Variants in ADGB observed in about 807,000 individuals in gnomAD.
ADGB encodes androglobin, also known as calpain-7-like protein.
In ADGB, 172 loss-of-function variants were observed where a neutral mutation model predicts 210.5. The ratio of observed to expected loss-of-function variants is 0.82; its 90% CI spans 0.72 to 0.93. The LOEUF is 0.93. ADGB is among the 40% of genes least tolerant of loss of function. The pLI is 0.00. For synonymous variants in ADGB, 658 were observed against 662.7 expected, an observed-to-expected ratio of 0.99 and a Z score of 0.11; for missense variants, 2,025 against 1,964.8, an observed-to-expected ratio of 1.03 and a Z score of -0.58.
At chr6:146,676,991 T>C (rs1776094892) in intron 9 of ADGB, among the ~76,000 whole-genome samples, 1 of 152,332 alleles carries the variant, frequency 6.6e-6, no homozygotes, top group African/African-American at 2.4e-5. Context: ...CCTCATTGTA[T>C]AAAGGTCAAC....
intron 3 of ADGB, among the ~76,000 whole-genome samples, chr6:146,651,408 G>A (rs547712671): frequency 1.1e-4 from 16 of 152,296 alleles, no homozygotes; most frequent in Admixed American, 4.6e-4. Context: ...AACAAGATGT[G>A]GTGAAAGGAA....
chr6:146,800,293 A>G (rs1005372332), intron 33 of ADGB, among the ~76,000 whole-genome samples: 3 of 152,202 alleles, frequency 2.0e-5, no homozygotes, highest in Non-Finnish European at 4.4e-5. Flanking sequence ...TCCTACTTAC[A>G]TAAAATGTCC....
rs543961961 is a variant in ADGB, at chr6:146,767,958, A to T, written c.3751-1062A>T. On this transcript the variant is annotated intron_variant, in intron 28 of 35. Transcript: ENST00000397944. ...TCTACACCGGCACTATGCATTAGAC[A>T]TCAGAATATGATGCCTTTAATAATA... Among the ~76,000 whole-genome samples the T allele has an allele frequency of 2.6e-4, 40 of 151,344 alleles. No individual in the cohort carries two copies. The Middle Eastern group carries it at 0.01, about 39-fold the overall frequency.
intron 29 of ADGB, among the ~76,000 whole-genome samples, chr6:146,770,777 G>A (rs933414190): frequency 1.3e-5 from 2 of 152,140 alleles, no homozygotes; most frequent in African/African-American, 4.8e-5. Context: ...TTTGCTGTTC[G>A]TGTGTGGTAT....
In ADGB at chr6:146,717,014, A is replaced by T; in HGVS notation, c.1873A>T (p.Asn625Tyr). ...KSQEELPTTN[N>Y]SVSKEIWLDF... ...ACAGGAAGAACTTCCAACAACAAAT[A>T]ATAGTGTTTCTAAAGAAATATGGTT... Residue 625 changes from asparagine (N) to tyrosine (Y), a missense_variant, in exon 15 of 36, where the codon AAT (asparagine) becomes TAT (tyrosine). Coordinates refer to ENST00000397944, the MANE Select transcript of ADGB (RefSeq NM_024694.4). The T allele has an allele frequency of 6.4e-7, 1 of 1,551,600 alleles. No individual in the cohort carries two copies. The highest frequency in any genetic ancestry group is 8.7e-7 in the Non-Finnish European group (1 of 1,146,916).
intron 1 of ADGB, among the ~76,000 whole-genome samples, chr6:146,633,448 T>C (rs1449715947): frequency 2.0e-5 from 3 of 151,992 alleles, no homozygotes; most frequent in Non-Finnish European, 2.9e-5. Context: ...CCCCCTGCCT[T>C]AGATCACCTT....
intron 30 of ADGB, among the ~76,000 whole-genome samples, chr6:146,782,485 A>G (rs1251014253): frequency 6.6e-6 from 1 of 152,192 alleles, no homozygotes; most frequent in Non-Finnish European, 1.5e-5. Context: ...CAGTCTAATA[A>G]TGGAGGAGAC....
chr6:146,669,620 G>C (rs956465354), intron 7 of ADGB, among the ~76,000 whole-genome samples: 4 of 151,970 alleles, frequency 2.6e-5, no homozygotes, highest in African/African-American at 9.7e-5. Context: ...ACACTCTCTG[G>C]GTTTTTCTCC....
chr6:146,725,237 T>G (rs1776876245), intron 18 of ADGB: 1 of 152,250 alleles, frequency 6.6e-6, no homozygotes, highest in South Asian at 2.1e-4. Context: ...ATATCCGCTT[T>G]TCCCCCCACA....
At chr6:146,610,598 T>C (rs1323585910) in intron 1 of ADGB, among the ~76,000 whole-genome samples, 1 of 152,146 alleles carries the variant, frequency 6.6e-6, no homozygotes, top group African/African-American at 2.4e-5. Context: ...TTCTGGATGA[T>C]TTCAGGGGGA....
Position 146,661,388 on chromosome 6 carries a change from T to A in ADGB, c.613-2813T>A, listed in dbSNP as rs887221414. ...GTATGCCATCATCACGCCTGACTAA[T>A]TTTATTTTTTGTAGAGACAGGGTCT... On this transcript the variant is annotated intron_variant, in intron 5 of 35. Coordinates refer to ENST00000397944, the MANE Select transcript of ADGB (RefSeq NM_024694.4). Among the ~76,000 whole-genome samples, 3 of 151,792 alleles carry A rather than the reference T, an allele frequency of 2.0e-5. No homozygotes were observed. The East Asian group carries it at 5.8e-4, about 29-fold the overall frequency.
chr6:146,803,082 T>C, intron 35 of ADGB: 1 of 1,543,146 alleles, frequency 6.5e-7, no homozygotes, highest in Non-Finnish European at 9.0e-7. Flanking sequence ...TGAGATATAT[T>C]GTTTTTCTTC....
rs200647664 is a variant in ADGB at position 146,714,323 on chromosome 6, T to C, written c.1708-1059T>C. Among the ~76,000 whole-genome samples, 77 of 152,188 alleles carry C rather than the reference T, an allele frequency of 5.1e-4. No homozygotes were observed. The East Asian group carries it at 7.0e-3, about 14-fold the overall frequency. ...CTCCCAATGTGCATCTTGTTTTTTT[T>C]TTTTTCCCCTGACTCTGGTGAGTTT... is the stretch of plus-strand genomic sequence containing the variant. On this transcript the variant is annotated intron_variant, in intron 13 of 35. Transcript: ENST00000397944.
intron 35 of ADGB, among the ~76,000 whole-genome samples, chr6:146,812,502 A>G (rs1443270559): frequency 6.7e-6 from 1 of 149,406 alleles, no homozygotes; most frequent in Non-Finnish European, 1.5e-5. Flanking sequence ...GCAAATGGTT[A>G]CACATTTCTG....
chr6:146,750,983 T>C (rs771866261), intron 26 of ADGB, among the ~76,000 whole-genome samples: 5 of 152,132 alleles, frequency 3.3e-5, no homozygotes, highest in African/African-American at 4.8e-5. Context: ...TATTTATTTT[T>C]ATTAAGTTCT....
chr6:146,770,462 G>C (rs1777633728), intron 29 of ADGB: 1 of 339,780 alleles, frequency 2.9e-6, no homozygotes, highest in Admixed American at 3.1e-5. Context: ...CAACGGCATC[G>C]CACTGTGCGG....
At chr6:146,652,351 T>C (rs1011149849) in intron 3 of ADGB, among the ~76,000 whole-genome samples, 1 of 152,176 alleles carries the variant, frequency 6.6e-6, no homozygotes, top group Admixed American at 6.5e-5. Flanking sequence ...GAAGAAACTA[T>C]GTTTATAATT....
chr6:146,761,617 G>A (rs1334328637), intron 27 of ADGB, among the ~76,000 whole-genome samples: 1 of 152,004 alleles, frequency 6.6e-6, no homozygotes. Flanking sequence ...CATTTATATT[G>A]TGAGTCAGCA....
rs1441832121 is a variant in ADGB at position 146,807,472 on chromosome 6, C to T, written c.4818+5461C>T. 7 of 1,551,526 alleles carry T rather than the reference C, an allele frequency of 4.5e-6. No homozygotes were observed. The South Asian group carries it at 5.9e-5, about 13-fold the overall frequency. ...GAGTACAGAAACAAATTGCTGGAAG[C>T]TGAGCACCTAAAGCTGGAAGCTCTC... On this transcript the variant is annotated intron_variant, in intron 35 of 35. Transcript: ENST00000397944.
Sources: gnomAD v4.1 joint callset for allele counts (sites outside exome capture counted in the v4.1 genomes callset) on GRCh38, gnomAD v4.1.1 for gene constraint, MANE v1.5 for transcripts, NCBI Gene and HGNC (gene_info 2026-07-23, HGNC 2026-07-21) for gene names.